The following ENOX1 variants were observed in gnomAD, a reference collection of about 807,000 sequenced individuals.
ENOX1 encodes candidate growth-related and time keeping constitutive hydroquinone (NADH) oxidase.
A neutral mutation model predicts 82.5 loss-of-function variants in ENOX1; 42 were observed. The ratio of observed to expected loss-of-function variants is 0.51; its 90% CI spans 0.40 to 0.66. ENOX1 has a LOEUF of 0.66. Ranked by LOEUF, ENOX1 falls within the 30% of genes least tolerant of loss-of-function variation. ENOX1 has a pLI of 0.00. For missense variants in ENOX1, 608 were observed against 811.6 expected, an observed-to-expected ratio of 0.75 and a Z score of 3.05; for synonymous variants, 271 against 282.2, an observed-to-expected ratio of 0.96 and a Z score of 0.40.
At chr13:43,505,916 A>G (rs540235850) in intron 2 of ENOX1, among the ~76,000 whole-genome samples, 1 of 151,990 alleles carries the variant, frequency 6.6e-6, no homozygotes, top group South Asian at 2.1e-4. Context: ...TCCATCTTGG[A>G]TTAATTTTTG....
Position 43,672,815 on chromosome 13 carries a change from A to G in ENOX1, c.-284-5271T>C, listed in dbSNP as rs562608588. On this transcript the variant is annotated intron_variant, in intron 1 of 16. Transcript: ENST00000690772. ...ACCACCGCTCTATGATTTCAGTGCT[A>G]TAAGTCTGATTTCATCCTTATTTCC... 7.2e-5 allele frequency among the ~76,000 whole-genome samples: 11 copies of G among 152,324 alleles called. No homozygotes were observed. The South Asian group carries it at 1.4e-3, about 20-fold the overall frequency.
intron 1 of ENOX1, among the ~76,000 whole-genome samples, chr13:43,683,630 C>T (rs1424023445): frequency 6.6e-6 from 1 of 152,114 alleles, no homozygotes. Context: ...CTCACTCATT[C>T]ACCTTCTCTT....
rs190218942 is a variant in ENOX1 at position 43,678,082 on chromosome 13, T to C, written c.-284-10538A>G. Reference sequence around the variant, plus strand: ...AGGTGCTATACAAATGTGCATACAATATATCCAGGAGGCTGAATGGGGAAG... The same window carrying C: ...AGGTGCTATACAAATGTGCATACAACATATCCAGGAGGCTGAATGGGGAAG... On this transcript the variant is annotated intron_variant, in intron 1 of 16. Coordinates refer to ENST00000690772, the MANE Select transcript of ENOX1 (RefSeq NM_001347969.2). 4.2e-4 allele frequency among the ~76,000 whole-genome samples: 64 copies of C among 152,196 alleles called. 1 individual carries two copies. Among genetic ancestry groups the C allele is most frequent in the South Asian group, 2.3e-3 (11 of 4,826 alleles).
At chr13:43,417,681 A>G (rs1172045790) in intron 3 of ENOX1, among the ~76,000 whole-genome samples, 1 of 152,228 alleles carries the variant, frequency 6.6e-6, no homozygotes, top group East Asian at 1.9e-4. Context: ...GTTAAAAATT[A>G]TAGCTAATAA....
At chr13:43,615,764 C>A (rs1196081403) in intron 2 of ENOX1, among the ~76,000 whole-genome samples, 2 of 151,808 alleles carry the variant, frequency 1.3e-5, no homozygotes, top group African/African-American at 4.8e-5. Context: ...CCCGACAGGC[C>A]CTGGTGTGTG....
intron 1 of ENOX1, among the ~76,000 whole-genome samples, chr13:43,732,560 G>A (rs1420301121): frequency 1.3e-5 from 2 of 152,136 alleles, no homozygotes; most frequent in African/African-American, 4.8e-5. Flanking sequence ...AAATTTAGAA[G>A]TGAACTAGCT....
chr13:43,400,198 A>G (rs2053414263), intron 5 of ENOX1, among the ~76,000 whole-genome samples: 1 of 151,564 alleles, frequency 6.6e-6, no homozygotes, highest in Non-Finnish European at 1.5e-5. Flanking sequence ...ATTTTACCAT[A>G]TTTTTCTGGT....
intron 1 of ENOX1, among the ~76,000 whole-genome samples, chr13:43,725,281 T>C (rs1451870274): frequency 6.6e-6 from 1 of 152,048 alleles, no homozygotes; most frequent in Non-Finnish European, 1.5e-5. Context: ...AGCCAATCAC[T>C]CTGAGCCAAA....
chr13:43,354,413 A>G, intron 8 of ENOX1, among the ~76,000 whole-genome samples: 1 of 151,130 alleles, frequency 6.6e-6, no homozygotes, highest in Non-Finnish European at 1.5e-5. Flanking sequence ...TTGATTAAGG[A>G]TTCTCAAGCC....
intron 3 of ENOX1, among the ~76,000 whole-genome samples, chr13:43,443,233 T>C (rs1370610378): frequency 6.6e-6 from 1 of 152,204 alleles, no homozygotes; most frequent in African/African-American, 2.4e-5. Flanking sequence ...GACCAAAAAT[T>C]CTGTTCAATT....
intron 15 of ENOX1, among the ~76,000 whole-genome samples, chr13:43,230,158 G>A (rs568141462): frequency 2.6e-5 from 4 of 152,342 alleles, no homozygotes; most frequent in Non-Finnish European, 5.9e-5. Flanking sequence ...GTGGCATCAT[G>A]ATGGCGGAGA....
chr13:43,226,927 G>T (rs2042052514), intron 15 of ENOX1, among the ~76,000 whole-genome samples: 1 of 152,200 alleles, frequency 6.6e-6, no homozygotes, highest in Non-Finnish European at 1.5e-5. Context: ...CATGGAGAAA[G>T]AGGGCATAAG....
chr13:43,326,446 G>C lies in ENOX1; in HGVS notation c.1116C>G (p.Asn372Lys), dbSNP rs776622674. 1.2e-6 allele frequency: 2 copies of C among 1,614,138 alleles called. No homozygotes were observed. The highest frequency in any genetic ancestry group is 4.5e-5 in the East Asian group (2 of 44,890). The change falls in exon 10 of 17, where the codon AAC becomes AAG. Residue 372 changes from asparagine (N) to lysine (K), a missense_variant. Coordinates refer to ENST00000690772, the MANE Select transcript of ENOX1 (RefSeq NM_001347969.2). ...CAGAATGCTTTCGCCAAATGTCTAT[G>C]TTCTTGCGCTGGGCTTTCGAGAAAT... ...WDHFSKAQRKNIDIWRKHSEE... is the reference protein window; with the variant it reads ...WDHFSKAQRKKIDIWRKHSEE...
At chr13:43,620,894 T>A (rs549175691) in intron 2 of ENOX1, among the ~76,000 whole-genome samples, 1 of 152,324 alleles carries the variant, frequency 6.6e-6, no homozygotes, top group South Asian at 2.1e-4. Flanking sequence ...ATTTCTTAGG[T>A]CTATTAGTCA....
intron 2 of ENOX1, among the ~76,000 whole-genome samples, chr13:43,488,655 T>C (rs888642374): frequency 4.6e-5 from 7 of 152,050 alleles, no homozygotes; most frequent in Non-Finnish European, 1.0e-4. Context: ...GAACAGAACA[T>C]TAAGGGCAAT....
chr13:43,625,051 A>G (rs2082905928), intron 2 of ENOX1, among the ~76,000 whole-genome samples: 1 of 151,996 alleles, frequency 6.6e-6, no homozygotes, highest in Non-Finnish European at 1.5e-5. Context: ...TTCTTTCATC[A>G]GTATTGTATA....
chr13:43,466,236 G>A lies in ENOX1; in HGVS notation c.-75+17773C>T, dbSNP rs1402750839. Among the ~76,000 whole-genome samples, 6 of 151,790 alleles carry A rather than the reference G, an allele frequency of 4.0e-5. No individual in the cohort carries two copies. In the East Asian group the frequency reaches 1.2e-3, roughly 29 times the overall value. ...GAGAAAAACTATATGACGATTCAAT[G>A]GAAACAGAAAAAAATCTTGAAAAAA... On this transcript the variant is annotated intron_variant, in intron 3 of 16. Coordinates refer to ENST00000690772, the MANE Select transcript of ENOX1 (RefSeq NM_001347969.2).
rs2054135604 is a variant in ENOX1, at chr13:43,411,688, G to C, written c.208+228C>G. ...TTAAAAAACGCAATTGATGTTGCAAGACTGTGTATAGCAATAACAGTTAGT... is the reference window on the plus strand; with the variant it reads ...TTAAAAAACGCAATTGATGTTGCAACACTGTGTATAGCAATAACAGTTAGT... On this transcript the variant is annotated intron_variant, in intron 5 of 16. Transcript: ENST00000690772. Among the ~76,000 whole-genome samples, 3 of 152,232 alleles carry C rather than the reference G, an allele frequency of 2.0e-5. No homozygotes were observed. The South Asian group carries it at 6.2e-4, about 32-fold the overall frequency.
chr13:43,260,967 C>T (rs2044022470), intron 14 of ENOX1, among the ~76,000 whole-genome samples: 1 of 152,196 alleles, frequency 6.6e-6, no homozygotes, highest in Admixed American at 6.5e-5. Flanking sequence ...CAGGCATGAG[C>T]GTGAACTGCA....
Sources: gnomAD v4.1 joint callset for allele counts (sites outside exome capture counted in the v4.1 genomes callset) on GRCh38, gnomAD v4.1.1 for gene constraint, MANE v1.5 for transcripts, NCBI Gene and HGNC (gene_info 2026-07-23, HGNC 2026-07-21) for gene names.